Variants in NF2 observed in about 807,000 individuals in gnomAD.
NF2 encodes the protein NF2, moesin-ezrin-radixin like (MERLIN) tumor suppressor, also known as merlin.
In NF2, 8 loss-of-function variants were observed where a neutral mutation model predicts 83.7. That is an observed-to-expected ratio of 0.10 (90% CI 0.06 to 0.17). The LOEUF (loss-of-function observed/expected upper bound fraction) is 0.17. NF2 is among the 10% of genes least tolerant of loss of function. NF2 has a pLI of 1.00. For missense variants in NF2, 533 were observed against 744.4 expected, an observed-to-expected ratio of 0.72 and a Z score of 3.31; for synonymous variants, 266 against 269.6, an observed-to-expected ratio of 0.99 and a Z score of 0.13.
rs933288213 is a variant in NF2, at chr22:29,620,568, G to A, written c.115-16183G>A. Among the ~76,000 whole-genome samples, 3 of 147,844 alleles carry A rather than the reference G, an allele frequency of 2.0e-5. No individual in the cohort carries two copies. In the Admixed American group the frequency reaches 2.1e-4, roughly 10 times the overall value. ...AGCCTGGCCAACATGGGAAAAACTC[G>A]TCTCTACTAAAAATAGAAAAATTAG... is the stretch of plus-strand genomic sequence containing the variant. On this transcript the variant is annotated intron_variant, in intron 1 of 15. Coordinates refer to ENST00000338641, the MANE Select transcript of NF2 (RefSeq NM_000268.4).
intron 1 of NF2, among the ~76,000 whole-genome samples, chr22:29,621,464 A>T (rs755274197): frequency 4.6e-5 from 7 of 152,082 alleles, no homozygotes; most frequent in Non-Finnish European, 1.0e-4. Flanking sequence ...TTACCTAAAG[A>T]AATAACAGCC....
rs909180780 is a variant in NF2 at position 29,603,727 on chromosome 22, T to C, written c.-272T>C. ...GCGTCCCCGGCATCTCCGGCCCGAA[T>C]CCCGGAGTGCCGGGTCGCGCCTGCA... On this transcript the variant is annotated 5_prime_UTR_variant, in exon 1 of 16. Transcript: ENST00000338641. The C allele has an allele frequency of 4.2e-5, 19 of 455,100 alleles. No homozygotes were observed. Among genetic ancestry groups the C allele is most frequent in the Non-Finnish European group, 7.3e-5 (19 of 258,988 alleles). The allele number at this position is 455,100 out of a possible 1,614,324, so 28.2% of individuals were successfully genotyped here. A position where few individuals can be genotyped will look rare whatever the true frequency, so the allele number is the denominator to read the frequency against.
chr22:29,607,707 G>C (rs186203830), intron 1 of NF2, among the ~76,000 whole-genome samples: 89 of 152,154 alleles, frequency 5.8e-4, no homozygotes, highest in African/African-American at 2.1e-3. Flanking sequence ...AATGAAAAAG[G>C]CTTCAAACTG....
chr22:29,661,055 ATCT>A (rs2066463348), intron 7 of NF2, 147 bp from the exon 8 acceptor site: 7 of 1,176,766 alleles, frequency 5.9e-6, no homozygotes, highest in East Asian at 2.3e-5. Flanking sequence ...GAAAGCTGAA[ATCT>A]TCTTGGTTTA....
At chr22:29,664,934 T>C (rs1354330292) in intron 8 of NF2, 56 bp from the exon 9 acceptor site, 1 of 1,294,824 alleles carries the variant, frequency 7.7e-7, no homozygotes, top group Non-Finnish European at 1.1e-6. Flanking sequence ...AATTTCCAAT[T>C]GCTGGTAACA....
At chr22:29,656,955 G>C (rs2066330095) in intron 6 of NF2, among the ~76,000 whole-genome samples, 1 of 149,518 alleles carries the variant, frequency 6.7e-6, no homozygotes, top group Non-Finnish European at 1.5e-5. Context: ...CCTTGATTAG[G>C]AATTGGTCAT....
chr22:29,642,826 C>T (rs537041267), intron 4 of NF2, among the ~76,000 whole-genome samples: 6 of 152,154 alleles, frequency 3.9e-5, no homozygotes, highest in Non-Finnish European at 8.8e-5. Context: ...TCAGAGAATG[C>T]CCTGCTTCAT....
At chr22:29,605,976 C>T (rs183864734) in intron 1 of NF2, among the ~76,000 whole-genome samples, 27 of 152,014 alleles carry the variant, frequency 1.8e-4, no homozygotes, top group East Asian at 9.7e-4. Flanking sequence ...TCTTTTGAGA[C>T]GGAGTTTTGC....
intron 1 of NF2, among the ~76,000 whole-genome samples, chr22:29,610,134 T>C (rs1478881099): frequency 2.0e-5 from 3 of 151,300 alleles, no homozygotes; most frequent in Non-Finnish European, 1.5e-5. Context: ...GGCCAGGAGC[T>C]TGAGACCAAC....
At chr22:29,604,196 A>C in intron 1 of NF2, 84 bp downstream of exon 1, 1 of 1,140,308 alleles carries the variant, frequency 8.8e-7, no homozygotes, top group Non-Finnish European at 1.3e-6. Context: ...TTATGGGTGT[A>C]GCTAGAGACG....
intron 1 of NF2, among the ~76,000 whole-genome samples, chr22:29,628,108 G>A (rs1215149363): frequency 1.3e-5 from 2 of 151,210 alleles, no homozygotes; most frequent in Admixed American, 1.3e-4. Context: ...CACAGATTAT[G>A]CAGCACTTGC....
chr22:29,690,434 C>G (rs898492992), intron 15 of NF2, among the ~76,000 whole-genome samples: 1 of 152,118 alleles, frequency 6.6e-6, no homozygotes, highest in Non-Finnish European at 1.5e-5. Context: ...TCACAGCCTG[C>G]TGGCTGTCAC....
chr22:29,609,675 T>C (rs1196721407), intron 1 of NF2, among the ~76,000 whole-genome samples: 3 of 152,236 alleles, frequency 2.0e-5, no homozygotes, highest in Non-Finnish European at 4.4e-5. Flanking sequence ...GAAATTGGTG[T>C]GTATAACTAC....
At chr22:29,666,644 T>G (rs1015381073) in intron 9 of NF2, among the ~76,000 whole-genome samples, 63 of 151,812 alleles carry the variant, frequency 4.1e-4, no homozygotes, top group African/African-American at 1.4e-3. Context: ...AGCAAGACCC[T>G]GTCTCCAAAA....
intron 4 of NF2, among the ~76,000 whole-genome samples, chr22:29,647,878 A>T (rs1157191547): frequency 6.6e-6 from 1 of 152,146 alleles, no homozygotes; most frequent in Non-Finnish European, 1.5e-5. Context: ...ACAGTGCTCA[A>T]ATGAAGATCC....
chr22:29,648,276 A>G (rs938642476), intron 4 of NF2, among the ~76,000 whole-genome samples: 2 of 152,236 alleles, frequency 1.3e-5, no homozygotes, highest in African/African-American at 4.8e-5. Context: ...GACAAATGCT[A>G]TAAACAGGGC....
intron 4 of NF2, among the ~76,000 whole-genome samples, chr22:29,644,495 C>T (rs1368111773): frequency 2.2e-4 from 32 of 144,606 alleles, no homozygotes; most frequent in Non-Finnish European, 3.8e-4. Context: ...CAGGCAGAGA[C>T]GCTCCTCACT....
chr22:29,631,205 A>G (rs1382178772), intron 1 of NF2, among the ~76,000 whole-genome samples: 2 of 152,226 alleles, frequency 1.3e-5, no homozygotes, highest in African/African-American at 4.8e-5. Context: ...TGCAAAGAAC[A>G]TTCCTTCACT....
At chr22:29,661,389 GC>G (rs1360564292) in intron 8 of NF2, 50 bp downstream of exon 8, 4 of 1,609,236 alleles carry the variant, frequency 2.5e-6, no homozygotes, top group Non-Finnish European at 1.7e-6. Flanking sequence ...TTCCCTGTCT[GC>G]CCCCCTCACT....
Sources: gnomAD v4.1 joint callset for allele counts (sites outside exome capture counted in the v4.1 genomes callset) on GRCh38, gnomAD v4.1.1 for gene constraint, MANE v1.5 for transcripts, NCBI Gene and HGNC (gene_info 2026-07-23, HGNC 2026-07-21) for gene names.